COL11A1: variants seen among roughly 807,000 people sequenced by gnomAD.
The protein encoded by COL11A1 is collagen alpha-1(XI) chain.
In COL11A1, 74 loss-of-function variants were observed where a neutral mutation model predicts 265.2. The ratio of observed to expected loss-of-function variants is 0.28; its 90% CI spans 0.23 to 0.34. The LOEUF (loss-of-function observed/expected upper bound fraction) is 0.34. Ranked by LOEUF, COL11A1 falls within the 10% of genes least tolerant of loss-of-function variation. The probability of loss-of-function intolerance (pLI) is 1.00; values close to 1 mark genes in which losing one functional copy is unlikely to be tolerated. For synonymous variants in COL11A1, 816 were observed against 727.6 expected (o/e 1.12, Z -1.96); for missense variants, 2,165 against 2,263.6 (o/e 0.96, Z 0.88).
At chr1:102,978,450 G>A (rs1662712838) in intron 35 of COL11A1, among the ~76,000 whole-genome samples, 1 of 152,072 alleles carries the variant, frequency 6.6e-6, no homozygotes, top group South Asian at 2.1e-4. Context: ...ATCTATTTTT[G>A]TCTTGACTAT....
intron 41 of COL11A1, among the ~76,000 whole-genome samples, chr1:102,955,685 T>C (rs549717176): frequency 6.6e-6 from 1 of 152,316 alleles, no homozygotes; most frequent in African/African-American, 2.4e-5. Context: ...AATATTATTT[T>C]CCTTGATTTT....
At chr1:103,054,282 A>G (rs1434653106) in intron 4 of COL11A1, among the ~76,000 whole-genome samples, 1 of 152,210 alleles carries the variant, frequency 6.6e-6, no homozygotes, top group African/African-American at 2.4e-5. Flanking sequence ...TACATTGCGA[A>G]ATGCACATGC....
intron 9 of COL11A1, 118 bp from the exon 10 acceptor site, chr1:103,018,977 C>T (rs919057840): frequency 1.3e-6 from 1 of 753,132 alleles, no homozygotes; most frequent in Admixed American, 2.5e-5. Flanking sequence ...TCTATTCATA[C>T]CACTTAAATT....
In COL11A1 at chr1:103,002,776, C is replaced by A. The variant is rs143663917; in HGVS notation, c.2014G>T (p.Asp672Tyr). ...TTCCCTTTTGGTCCTGGGGGGCCAT[C>A]TACACCTGCCATACCCTGCAATGAA... Reference protein sequence around the residue: ...APGQPGMAGVDGPPGPKGNMG... With the variant: ...APGQPGMAGVYGPPGPKGNMG... Residue 672 changes from aspartate to tyrosine, a missense_variant, in exon 22 of 67, where the codon GAT (aspartate) becomes TAT (tyrosine). Coordinates refer to ENST00000370096, the MANE Select transcript of COL11A1 (RefSeq NM_001854.4). 1 of 1,613,334 alleles carries A rather than the reference C, an allele frequency of 6.2e-7. No homozygotes were observed. The highest frequency in any genetic ancestry group is 8.5e-7 in the Non-Finnish European group (1 of 1,179,348).
At position 103,092,965 on chromosome 1, in the gene COL11A1, T is replaced by C. The variant is rs74595629; in HGVS notation, c.107-9993A>G. On this transcript the variant is annotated intron_variant, in intron 1 of 66. Transcript: ENST00000370096. Reference sequence around the variant, plus strand: ...ATGAGTCCAGCATAAGGATCATTGTTCCAAAAACAAACAAACAAAAAAAAA... The same window carrying C: ...ATGAGTCCAGCATAAGGATCATTGTCCCAAAAACAAACAAACAAAAAAAAA... Among the ~76,000 whole-genome samples the C allele has an allele frequency of 1.2e-4, 18 of 151,532 alleles. No individual in the cohort carries two copies. The East Asian group carries it at 3.3e-3, about 28-fold the overall frequency.
intron 24 of COL11A1, among the ~76,000 whole-genome samples, chr1:102,999,409 A>C (rs1664914473): frequency 6.6e-6 from 1 of 151,890 alleles, no homozygotes; most frequent in Non-Finnish European, 1.5e-5. Flanking sequence ...CCTCCCTTTA[A>C]CTAATATTTA....
rs373185611 is a variant in COL11A1 at position 102,907,090 on chromosome 1, C to T, written c.4086+5069G>A. ...GAAAACCCTGCATATTATGCTCGAT[C>T]GGGCTGACCTAAGGTTGATTTTTCT... is the stretch of plus-strand genomic sequence containing the variant. On this transcript the variant is annotated intron_variant, in intron 54 of 66. Coordinates refer to ENST00000370096, the MANE Select transcript of COL11A1 (RefSeq NM_001854.4). 3.7e-4 allele frequency among the ~76,000 whole-genome samples: 56 copies of T among 152,102 alleles called. No homozygotes were observed. The East Asian group carries it at 7.6e-3, about 21-fold the overall frequency.
At chr1:103,060,031 A>G (rs1412790954) in intron 4 of COL11A1, among the ~76,000 whole-genome samples, 1 of 152,188 alleles carries the variant, frequency 6.6e-6, no homozygotes, top group East Asian at 1.9e-4. Context: ...ATATTCAAAT[A>G]TCAGACCAAA....
intron 29 of COL11A1, 79 bp downstream of exon 29, chr1:102,989,439 A>G: frequency 1.3e-6 from 1 of 774,232 alleles, no homozygotes; most frequent in Non-Finnish European, 2.0e-6. Flanking sequence ...TATGCTTACT[A>G]TATTTAAAGA....
Position 102,995,902 on chromosome 1 carries a change from C to A in COL11A1, c.2302G>T (p.Asp768Tyr). The change falls in exon 28 of 67, where the codon GAT becomes TAT. Residue 768 changes from aspartate (D) to tyrosine (Y), a missense_variant. Asp to Tyr is a radical substitution (Grantham distance 160). Coordinates refer to ENST00000370096, the MANE Select transcript of COL11A1 (RefSeq NM_001854.4). Reference protein sequence around the residue: ...YPGPRGVKGADGVRGLKGSKG... With the variant: ...YPGPRGVKGAYGVRGLKGSKG... ...GATCCCTTGAGACCTCTGACACCAT[C>A]TGCTCCCTGTGGAATAAATTAGAAG... 2 of 1,611,976 alleles carry A rather than the reference C, an allele frequency of 1.2e-6. No individual in the cohort carries two copies. The highest frequency in any genetic ancestry group is 1.7e-6 in the Non-Finnish European group (2 of 1,179,014).
chr1:103,015,335 T>C (rs1025609829), intron 12 of COL11A1, among the ~76,000 whole-genome samples: 2 of 151,792 alleles, frequency 1.3e-5, no homozygotes, highest in Admixed American at 6.6e-5. Flanking sequence ...ATATAGATAA[T>C]AGATGGTAAA....
At chr1:102,928,402 C>A (rs1656910125) in intron 46 of COL11A1, among the ~76,000 whole-genome samples, 1 of 151,724 alleles carries the variant, frequency 6.6e-6, no homozygotes, top group Non-Finnish European at 1.5e-5. Context: ...TTTCCAATTT[C>A]ATCCATGTCC....
At chr1:102,971,917 A>T (rs1662014251) in intron 36 of COL11A1, among the ~76,000 whole-genome samples, 1 of 152,212 alleles carries the variant, frequency 6.6e-6, no homozygotes, top group Non-Finnish European at 1.5e-5. Flanking sequence ...ACATTCTTGG[A>T]TGTCATTTAA....
intron 43 of COL11A1, among the ~76,000 whole-genome samples, chr1:102,939,332 T>G (rs1258482238): frequency 6.6e-6 from 1 of 152,146 alleles, no homozygotes; most frequent in Non-Finnish European, 1.5e-5. Flanking sequence ...AAAAATCAAT[T>G]TTGTCTCAAA....
intron 4 of COL11A1, among the ~76,000 whole-genome samples, chr1:103,065,243 G>A (rs567668537): frequency 1.3e-5 from 2 of 152,126 alleles, no homozygotes; most frequent in Non-Finnish European, 2.9e-5. Flanking sequence ...GCAATTGGCC[G>A]GGCACGGTGG....
At chr1:103,087,561 CCCTCATTCTGT>C (rs1428707668) in intron 1 of COL11A1, among the ~76,000 whole-genome samples, 2 of 152,168 alleles carry the variant, frequency 1.3e-5, no homozygotes, top group East Asian at 3.9e-4. Flanking sequence ...TCTCATGAGT[CCCTCATTCTGT>C]CCTCATTCAG....
At chr1:103,063,489 A>G (rs1558014017) in intron 4 of COL11A1, among the ~76,000 whole-genome samples, 1 of 152,274 alleles carries the variant, frequency 6.6e-6, no homozygotes, top group South Asian at 2.1e-4. Context: ...TTCAACTAAT[A>G]GTGCTGGAAC....
At chr1:102,979,873 T>C (rs12062184) in intron 31 of COL11A1, among the ~76,000 whole-genome samples, 8,521 of 152,260 alleles carry the variant, frequency 0.056, 272 homozygotes, top group Non-Finnish European at 0.074. Context: ...CATATGTCTA[T>C]AGTTACCACT....
intron 1 of COL11A1, among the ~76,000 whole-genome samples, chr1:103,090,831 G>A (rs1673259714): frequency 6.6e-6 from 1 of 152,054 alleles, no homozygotes; most frequent in Non-Finnish European, 1.5e-5. Context: ...TGCTTCCTCA[G>A]ACTACCTTGG....
Sources: gnomAD v4.1 joint callset for allele counts (sites outside exome capture counted in the v4.1 genomes callset) on GRCh38, gnomAD v4.1.1 for gene constraint, MANE v1.5 for transcripts, NCBI Gene and HGNC (gene_info 2026-07-23, HGNC 2026-07-21) for gene names.